The following PKHD1L1 variants were observed in gnomAD, a reference collection of about 807,000 sequenced individuals.
PKHD1L1 encodes PKHD1 like 1, also known as fibrocystin-L.
PKHD1L1 carries 434 observed loss-of-function variants against 462.9 expected under a neutral mutation model. The observed-to-expected ratio is 0.94, with a 90% CI of 0.87 to 1.02. The LOEUF is 1.02. PKHD1L1 is among the 50% of genes least tolerant of loss of function. PKHD1L1 has a pLI of 0.00. For synonymous variants in PKHD1L1, 1,781 were observed against 1,750.0 expected (o/e 1.02, Z -0.44); for missense variants, 5,202 against 5,096.1 (o/e 1.02, Z -0.63).
intron 14 of PKHD1L1, among the ~76,000 whole-genome samples, chr8:109,402,857 C>G (rs1246638814): frequency 6.6e-6 from 1 of 152,134 alleles, no homozygotes; most frequent in Non-Finnish European, 1.5e-5. Flanking sequence ...ACTCAATGTT[C>G]TTGCTGAGGT....
rs574269150 is a variant in PKHD1L1 at position 109,363,312 on chromosome 8, GAATAAGAA to G, written c.73+660_73+667del. ...GCTGCCCTGAGATATGAATGTGCGGGAATAAGAACACCTTGGAGCTCTTGGCAAAGACA... is the reference window on the plus strand; with the variant it reads ...GCTGCCCTGAGATATGAATGTGCGGGCACCTTGGAGCTCTTGGCAAAGACA... On this transcript the variant is annotated intron_variant, in intron 1 of 77. Coordinates refer to ENST00000378402, the MANE Select transcript of PKHD1L1 (RefSeq NM_177531.6). Among the ~76,000 whole-genome samples, 126 of 152,262 alleles carry G rather than the reference GAATAAGAA, an allele frequency of 8.3e-4. 2 individuals carry two copies. The South Asian group carries it at 0.025, about 30-fold the overall frequency.
chr8:109,367,595 T>A (rs1225355515), intron 2 of PKHD1L1, among the ~76,000 whole-genome samples: 1 of 152,222 alleles, frequency 6.6e-6, no homozygotes, highest in Non-Finnish European at 1.5e-5. Flanking sequence ...TAAAAGGCTG[T>A]GGTTGGGCTG....
intron 53 of PKHD1L1, among the ~76,000 whole-genome samples, chr8:109,478,104 TA>T (rs1818085836): frequency 6.6e-6 from 1 of 152,168 alleles, no homozygotes; most frequent in Non-Finnish European, 1.5e-5. Context: ...TGCTAAAAAC[TA>T]ACATTTAGTG....
chr8:109,378,638 A>T (rs991437461), intron 2 of PKHD1L1, among the ~76,000 whole-genome samples: 3 of 152,204 alleles, frequency 2.0e-5, no homozygotes, highest in African/African-American at 7.2e-5. Context: ...TAAATGCTGC[A>T]AAGTGGCCCT....
intron 67 of PKHD1L1, among the ~76,000 whole-genome samples, chr8:109,501,850 T>C (rs1323950870): frequency 6.6e-6 from 1 of 152,180 alleles, no homozygotes; most frequent in African/African-American, 2.4e-5. Flanking sequence ...ATGCCTTTTA[T>C]ACCCATTTTG....
chr8:109,475,133 C>G lies in PKHD1L1; in HGVS notation c.8621C>G (p.Pro2874Arg). Residue 2874 changes from proline (P) to arginine (R), a missense_variant, in exon 51 of 78, where the codon CCA becomes CGA. Coordinates refer to ENST00000378402, the MANE Select transcript of PKHD1L1 (RefSeq NM_177531.6). ...LSDSFGTSIIPFQKKRLTHMS... is the reference protein window; with the variant it reads ...LSDSFGTSIIRFQKKRLTHMS... ...TCTCCTATAGGCACAAGCATTATTC[C>G]ATTTCAGAAGAAACGACTGACTCAT... The G allele has an allele frequency of 6.2e-7, 1 of 1,608,080 alleles. No homozygotes were observed. The highest frequency in any genetic ancestry group is 8.5e-7 in the Non-Finnish European group (1 of 1,177,378).
intron 43 of PKHD1L1, among the ~76,000 whole-genome samples, chr8:109,453,899 A>G (rs1338364666): frequency 6.6e-6 from 1 of 152,174 alleles, no homozygotes; most frequent in East Asian, 1.9e-4. Flanking sequence ...AAAATAAGCT[A>G]CTTTCCCAAT....
chr8:109,392,206 T>G (rs1812744699), intron 9 of PKHD1L1, among the ~76,000 whole-genome samples: 1 of 152,184 alleles, frequency 6.6e-6, no homozygotes, highest in Non-Finnish European at 1.5e-5. Context: ...TAAATGCTCT[T>G]AGTAGCAACC....
In PKHD1L1 at chr8:109,504,574, G is replaced by A. The variant is rs1230428055; in HGVS notation, c.10994+82G>A. On this transcript the variant is annotated intron_variant, in intron 68 of 77. Coordinates refer to ENST00000378402, the MANE Select transcript of PKHD1L1 (RefSeq NM_177531.6). ...CTCCTGCTCAAGATCTGAGAAAGTT[G>A]GCATATTAAAATAACTGCCAGTTTT... The A allele has an allele frequency of 1.8e-5, 16 of 882,618 alleles. No homozygotes were observed. In the Middle Eastern group the frequency reaches 9.7e-4, roughly 53 times the overall value. The allele number at this position is 882,618 out of a possible 1,614,324, so 54.7% of individuals were successfully genotyped here. A position where few individuals can be genotyped will look rare whatever the true frequency, so the allele number is the denominator to read the frequency against.
chr8:109,465,715 C>T (rs1817404421), intron 49 of PKHD1L1, among the ~76,000 whole-genome samples: 1 of 152,104 alleles, frequency 6.6e-6, no homozygotes, highest in African/African-American at 2.4e-5. Flanking sequence ...TGCGAAAATA[C>T]TTTTAAGAGA....
At chr8:109,431,645 T>C (rs536095940) in intron 27 of PKHD1L1, among the ~76,000 whole-genome samples, 3 of 152,332 alleles carry the variant, frequency 2.0e-5, no homozygotes, top group South Asian at 2.1e-4. Flanking sequence ...TTTTGAGATA[T>C]ATTTATGTGG....
In PKHD1L1 at chr8:109,509,179, C is replaced by T. The variant is rs752025083; in HGVS notation, c.11395+915C>T. Among the ~76,000 whole-genome samples the T allele has an allele frequency of 3.9e-5, 6 of 152,156 alleles. 1 individual carries two copies. In the East Asian group the frequency reaches 1.2e-3, roughly 30 times the overall value. On this transcript the variant is annotated intron_variant, in intron 70 of 77. Transcript: ENST00000378402. ...TGATTTTAGGACTCTCCTCACTTCT[C>T]CCACCCCAATGTGTGCTATGCCTGG...
chr8:109,364,477 T>A, intron 1 of PKHD1L1, 70 bp from the exon 2 acceptor site: 1 of 1,042,134 alleles, frequency 9.6e-7, no homozygotes, highest in Non-Finnish European at 1.4e-6. Flanking sequence ...GTGGTATGTG[T>A]TACAAATTTT....
Position 109,498,463 on chromosome 8 carries a change from G to C in PKHD1L1, c.10601G>C (p.Ser3534Thr), listed in dbSNP as rs376698827. The change falls in exon 66 of 78, where the codon AGC becomes ACC. Residue 3534 changes from serine to threonine, a missense_variant and splice_region_variant. Ser to Thr is a moderately conservative substitution (Grantham distance 58, BLOSUM62 1). Around this residue, in one of 3 missense-constraint regions of PKHD1L1, gnomAD observed 4,497 missense variants for 4,336.8 expected, o/e 1.04. Transcript: ENST00000378402. ...ATTGTTTGGCTTATTTCCAAACAGA[G>C]CTCATTAATTGTTGGAAGTAGCCCT... ...KISSKNVQIKSSLIVGSSPGF... is the reference protein window; with the variant it reads ...KISSKNVQIKTSLIVGSSPGF... 4 of 1,597,668 alleles carry C rather than the reference G, an allele frequency of 2.5e-6. No homozygotes were observed. The highest frequency in any genetic ancestry group is 2.7e-5 in the African/African-American group (2 of 74,508).
intron 63 of PKHD1L1, among the ~76,000 whole-genome samples, chr8:109,496,452 T>G (rs1819090638): frequency 6.6e-6 from 1 of 152,210 alleles, no homozygotes; most frequent in African/African-American, 2.4e-5. Context: ...AGTTTAGGCT[T>G]ATTTGTATCT....
chr8:109,440,885 A>G (rs751767570), intron 33 of PKHD1L1, 33 bp downstream of exon 33: 3 of 1,599,098 alleles, frequency 1.9e-6, no homozygotes, highest in Non-Finnish European at 2.6e-6. Context: ...AGTGATTATC[A>G]TTTTTCTCAG....
rs948730814 is a variant in PKHD1L1 at position 109,459,737 on chromosome 8, G to A, written c.7147G>A (p.Ala2383Thr). The change falls in exon 47 of 78, where the codon GCA becomes ACA. Residue 2383 changes from alanine (A) to threonine (T), a missense_variant. This residue lies in a region of PKHD1L1 where 4,497 missense variants were observed against 4,336.8 expected (regional missense o/e 1.04). Coordinates refer to ENST00000378402, the MANE Select transcript of PKHD1L1 (RefSeq NM_177531.6). ...LPDGTLFEARAEVGILTRNIL... is the reference protein window; with the variant it reads ...LPDGTLFEARTEVGILTRNIL... ...TGATGGAACTCTGTTTGAAGCAAGA[G>A]CAGAAGTTGGAATTCTTACAAGAAA... 27 of 1,611,886 alleles carry A rather than the reference G, an allele frequency of 1.7e-5. No homozygotes were observed. Among genetic ancestry groups the A allele is most frequent in the Non-Finnish European group, 2.2e-5 (26 of 1,178,880 alleles).
chr8:109,493,991 G>A (rs760180981), intron 63 of PKHD1L1, among the ~76,000 whole-genome samples: 3 of 151,760 alleles, frequency 2.0e-5, no homozygotes, highest in Admixed American at 6.6e-5. Flanking sequence ...GACAACTTGA[G>A]TTCTTGATTT....
At position 109,511,501 on chromosome 8, in the gene PKHD1L1, A is replaced by G. The variant is rs370994599; in HGVS notation, c.11553+567A>G. Among the ~76,000 whole-genome samples, 73 of 151,818 alleles carry G rather than the reference A, an allele frequency of 4.8e-4. No individual in the cohort carries two copies. The South Asian group carries it at 0.014, about 29-fold the overall frequency. On this transcript the variant is annotated intron_variant, in intron 71 of 77. Transcript: ENST00000378402. ...AGAATGATGATTTCCAATTTCATCC[A>G]TGTCCCTACAAAGGACATGAACTCA...
Sources: gnomAD v4.1 joint callset for allele counts (sites outside exome capture counted in the v4.1 genomes callset) on GRCh38, gnomAD v4.1.1 for gene constraint, gnomAD v4.1.1 regional missense constraint, MANE v1.5 for transcripts, NCBI Gene and HGNC (gene_info 2026-07-23, HGNC 2026-07-21) for gene names.